ITGA4: variants seen among roughly 807,000 people sequenced by gnomAD.
ITGA4 encodes the protein integrin subunit alpha 4.
A neutral mutation model predicts 133.6 loss-of-function variants in ITGA4; 63 were observed. The observed-to-expected ratio is 0.47, with a 90% confidence interval of 0.38 to 0.58. The LOEUF is 0.58. Ranked by LOEUF, ITGA4 falls within the 20% of genes least tolerant of loss-of-function variation. The pLI, the probability that ITGA4 is intolerant of heterozygous loss-of-function variation, is 0.00. For missense variants in ITGA4, 1,076 were observed against 1,252.7 expected, an observed-to-expected ratio of 0.86 and a Z score of 2.13; for synonymous variants, 483 against 438.0, an observed-to-expected ratio of 1.10 and a Z score of -1.28.
At chr2:181,502,280 C>A (rs939912315) in intron 15 of ITGA4, among the ~76,000 whole-genome samples, 5 of 152,008 alleles carry the variant, frequency 3.3e-5, no homozygotes, top group African/African-American at 1.2e-4. Flanking sequence ...GTTATTCTTT[C>A]AAAAAGTTTT....
intron 27 of ITGA4, 87 bp from the exon 28 acceptor site, chr2:181,535,345 G>T: frequency 9.8e-7 from 1 of 1,016,430 alleles, no homozygotes; most frequent in Non-Finnish European, 1.4e-6. Flanking sequence ...AAATATTGGT[G>T]TTAACTGCTT....
At chr2:181,520,351 A>G (rs1280604909) in intron 17 of ITGA4, among the ~76,000 whole-genome samples, 1 of 152,086 alleles carries the variant, frequency 6.6e-6, no homozygotes, top group Admixed American at 6.6e-5. Context: ...GAAAAATATG[A>G]CTGAAACAAT....
rs374030711 is a variant in ITGA4, at chr2:181,480,092, G to A, written c.625-45G>A. The A allele has an allele frequency of 8.4e-6, 12 of 1,433,364 alleles. No individual in the cohort carries two copies. In the African/African-American group the frequency reaches 1.5e-4, roughly 18 times the overall value. The allele number at this position is 1,433,364 out of a possible 1,614,324, so 88.8% of individuals were successfully genotyped here. On this transcript the variant is annotated intron_variant, in intron 5 of 27. Coordinates refer to ENST00000397033, the MANE Select transcript of ITGA4 (RefSeq NM_000885.6). The stretch of plus-strand genomic sequence containing the variant: ...CGTGTATCTGGAGGAGGTTTGGGGT[G>A]GTGAGATTAAAGTTTAAATAATAAT...
In ITGA4 at chr2:181,505,096, A is replaced by G. The variant is rs367897265; in HGVS notation, c.1696-4562A>G. ...AGCCTCCCCAGCCCCTTTTATGTGT[A>G]GATTAGGTGGCCCTACTTCTTCTGT... On this transcript the variant is annotated intron_variant, in intron 15 of 27. Transcript: ENST00000397033. 7.2e-5 allele frequency among the ~76,000 whole-genome samples: 11 copies of G among 151,990 alleles called. No homozygotes were observed. The East Asian group carries it at 2.1e-3, about 30-fold the overall frequency.
intron 16 of ITGA4, 108 bp downstream of exon 16, chr2:181,509,915 C>A: frequency 1.3e-6 from 1 of 769,542 alleles, no homozygotes; most frequent in Non-Finnish European, 2.0e-6. Flanking sequence ...TTTAAAAATA[C>A]GAATTTTTAA....
In ITGA4 at chr2:181,530,711, A is replaced by G. The variant is rs1686927534; in HGVS notation, c.2664+62A>G. On this transcript the variant is annotated intron_variant, in intron 24 of 27. Transcript: ENST00000397033. ...CCAACAGAGAAGTGAGACACTTAAA[A>G]TCAAGTCAATGGGTTTGAGCTGTCA... 12 of 1,479,874 alleles carry G rather than the reference A, an allele frequency of 8.1e-6. No individual in the cohort carries two copies. The East Asian group carries it at 2.8e-4, about 34-fold the overall frequency. The allele number at this position is 1,479,874 out of a possible 1,614,324, so 91.7% of individuals were successfully genotyped here.
At chr2:181,520,579 T>C (rs1686696813) in intron 17 of ITGA4, among the ~76,000 whole-genome samples, 1 of 152,048 alleles carries the variant, frequency 6.6e-6, no homozygotes, top group Admixed American at 6.6e-5. Flanking sequence ...TCAATCCAAG[T>C]GAATTTAGGT....
chr2:181,476,400 G>T (rs540266639), intron 4 of ITGA4, among the ~76,000 whole-genome samples: 11 of 152,004 alleles, frequency 7.2e-5, no homozygotes, highest in Non-Finnish European at 1.3e-4. Context: ...TTTTTTAAAG[G>T]GATGAAAACT....
chr2:181,458,101 A>G, intron 1 of ITGA4, 95 bp from the exon 2 acceptor site: 1 of 1,542,062 alleles, frequency 6.5e-7, no homozygotes, highest in South Asian at 1.2e-5. Context: ...GAGGTGGGGA[A>G]GCTGCCCTGC....
At chr2:181,512,196 T>C (rs376380500) in intron 17 of ITGA4, among the ~76,000 whole-genome samples, 5 of 152,052 alleles carry the variant, frequency 3.3e-5, no homozygotes, top group Admixed American at 6.6e-5. Context: ...ATCAAAAAGA[T>C]GATGTGAAAA....
intron 10 of ITGA4, among the ~76,000 whole-genome samples, chr2:181,487,130 G>A (rs1248704995): frequency 6.6e-6 from 1 of 152,048 alleles, no homozygotes; most frequent in African/African-American, 2.4e-5. Context: ...AAAAAAATAG[G>A]TGTATATACT....
intron 22 of ITGA4, 88 bp downstream of exon 22, chr2:181,527,475 C>T (rs564718241): frequency 3.2e-5 from 28 of 878,622 alleles, no homozygotes; most frequent in South Asian, 1.6e-4. Context: ...ACACCTATGA[C>T]GTCCTTCAGC....
intron 8 of ITGA4, 34 bp downstream of exon 8, chr2:181,482,456 C>T (rs1222189995): frequency 2.5e-6 from 4 of 1,613,390 alleles, no homozygotes; most frequent in South Asian, 1.1e-5. Flanking sequence ...TCTCTGTGGG[C>T]TTTTGCGAGT....
intron 4 of ITGA4, chr2:181,476,179 A>G (rs1044237319): frequency 2.2e-5 from 4 of 181,966 alleles, no homozygotes; most frequent in Non-Finnish European, 4.5e-5. Flanking sequence ...AAAAGTGAAT[A>G]TTGATTCTCA....
At chr2:181,530,448 T>C in intron 23 of ITGA4, 76 bp from the exon 24 acceptor site, 1 of 1,410,178 alleles carries the variant, frequency 7.1e-7, no homozygotes, top group Non-Finnish European at 9.7e-7. Flanking sequence ...CTACTGGAAC[T>C]TTTAAAACCA....
At chr2:181,513,487 A>G (rs1476403582) in intron 17 of ITGA4, among the ~76,000 whole-genome samples, 2 of 152,070 alleles carry the variant, frequency 1.3e-5, no homozygotes, top group African/African-American at 2.4e-5. Context: ...TGTCTTTCTT[A>G]TCCATCATGC....
In ITGA4 at chr2:181,508,749, T is replaced by C. The variant is rs1007195882; in HGVS notation, c.1696-909T>C. ...AAAACTTTAACAACTAATAAGAAAA[T>C]CAGTGAAGCGACCAGTGTATACAAT... On this transcript the variant is annotated intron_variant, in intron 15 of 27. Coordinates refer to ENST00000397033, the MANE Select transcript of ITGA4 (RefSeq NM_000885.6). Among the ~76,000 whole-genome samples the C allele has an allele frequency of 2.0e-5, 3 of 151,530 alleles. No individual in the cohort carries two copies. The South Asian group carries it at 6.3e-4, about 32-fold the overall frequency.
Position 181,457,851 on chromosome 2 carries a change from G to A in ITGA4, c.197G>A (p.Trp66Ter). 1.2e-6 allele frequency: 2 copies of A among 1,610,384 alleles called. No individual in the cohort carries two copies. The highest frequency in any genetic ancestry group is 1.7e-6 in the Non-Finnish European group (2 of 1,178,072). Residue 66 changes from tryptophan (W) to a stop codon, truncating the protein, a stop_gained and splice_region_variant, in exon 1 of 28, where the codon TGG becomes TAG. Transcript: ENST00000397033. LOFTEE classifies it high-confidence loss of function. ...VVLHSHGANRWLLVGAPTANW... is the reference protein window; with the variant it reads ...VVLHSHGANR ...CTGCACAGCCACGGGGCGAACCGAT[G>A]GTGAGTAGAGTTGGACTGATGCGCC...
chr2:181,489,724 G>C (rs139125189), intron 10 of ITGA4, among the ~76,000 whole-genome samples: 156 of 152,278 alleles, frequency 1.0e-3, no homozygotes, highest in African/African-American at 2.8e-3. Flanking sequence ...TAGCGATCAA[G>C]TCAGAGCTTG....
Sources: gnomAD v4.1 joint callset for allele counts (sites outside exome capture counted in the v4.1 genomes callset) on GRCh38, gnomAD v4.1.1 for gene constraint, MANE v1.5 for transcripts, NCBI Gene and HGNC (gene_info 2026-07-23, HGNC 2026-07-21) for gene names.